Variants in DTNA observed in about 807,000 individuals in gnomAD.
The protein encoded by DTNA is dystrobrevin alpha, also known as dystrophin-related protein 3.
DTNA carries 43 observed loss-of-function variants against 100.7 expected under a neutral mutation model. The observed-to-expected ratio is 0.43, with a 90% confidence interval of 0.33 to 0.55. The LOEUF is 0.55. DTNA is among the 20% of genes least tolerant of loss of function. DTNA has a pLI of 0.04. For synonymous variants in DTNA, 349 were observed against 347.9 expected (o/e 1.00, Z -0.04); for missense variants, 798 against 953.9 (o/e 0.84, Z 2.15).
intron 1 of DTNA, among the ~76,000 whole-genome samples, chr18:34,678,580 C>A (rs1198421826): frequency 7.9e-5 from 12 of 152,130 alleles, no homozygotes; most frequent in Admixed American, 7.9e-4. Flanking sequence ...CTGCTTCAAG[C>A]CATCTGGCAC....
intron 4 of DTNA, among the ~76,000 whole-genome samples, chr18:34,801,003 C>CAAGT (rs1410369813): frequency 6.6e-6 from 1 of 152,134 alleles, no homozygotes; most frequent in East Asian, 1.9e-4. Context: ...TTTATTATGA[C>CAAGT]AAGTCAAATT....
chr18:34,563,760 C>T (rs2046843027), intron 1 of DTNA, among the ~76,000 whole-genome samples: 1 of 152,168 alleles, frequency 6.6e-6, no homozygotes, highest in African/African-American at 2.4e-5. Flanking sequence ...CTTAAATCCA[C>T]CAAAATTTAG....
chr18:34,590,934 G>A (rs16965585), intron 1 of DTNA, among the ~76,000 whole-genome samples: 15,664 of 152,136 alleles, frequency 0.1, 1,172 homozygotes, highest in African/African-American at 0.21. Context: ...CCGTTGTTGA[G>A]TGTTCTGAGA....
intron 1 of DTNA, among the ~76,000 whole-genome samples, chr18:34,605,728 G>A (rs2052947775): frequency 6.6e-6 from 1 of 151,796 alleles, no homozygotes; most frequent in Non-Finnish European, 1.5e-5. Flanking sequence ...ATGCTTAAGG[G>A]CAATGCAGAA....
At chr18:34,532,330 A>G (rs954244753) in intron 1 of DTNA, among the ~76,000 whole-genome samples, 1 of 152,106 alleles carries the variant, frequency 6.6e-6, no homozygotes, top group Non-Finnish European at 1.5e-5. Flanking sequence ...AGAGAAGTAA[A>G]TGAGCAAATA....
intron 1 of DTNA, among the ~76,000 whole-genome samples, chr18:34,618,949 T>C (rs1384590406): frequency 6.6e-6 from 1 of 151,946 alleles, no homozygotes; most frequent in African/African-American, 2.4e-5. Flanking sequence ...ACAGATACAA[T>C]AGAAGCCCCA....
At chr18:34,671,437 G>A (rs577878139) in intron 1 of DTNA, among the ~76,000 whole-genome samples, 4 of 152,138 alleles carry the variant, frequency 2.6e-5, no homozygotes, top group South Asian at 2.1e-4. Flanking sequence ...AGATGAACCC[G>A]GTACCTCATT....
rs780636786 is a variant in DTNA, at chr18:34,820,852, G to A, written c.938G>A (p.Arg313His). Residue 313 changes from arginine (R) to histidine (H), a missense_variant, in exon 9 of 23, where the codon CGT becomes CAT. Coordinates refer to ENST00000444659, the MANE Select transcript of DTNA (RefSeq NM_001386795.1). Reference protein sequence around the residue: ...LSKSLSCASSREPLHPMFPDQ... With the variant: ...LSKSLSCASSHEPLHPMFPDQ... ...AAGTCCCTGAGCTGTGCTTCCAGCC[G>A]TGAACCTTTGCACCCCATGTTCCCA... is the stretch of plus-strand genomic sequence containing the variant. 26 of 1,613,932 alleles carry A rather than the reference G, an allele frequency of 1.6e-5. No homozygotes were observed. The highest frequency in any genetic ancestry group is 8.0e-5 in the African/African-American group (6 of 74,846).
intron 6 of DTNA, 81 bp from the exon 7 acceptor site, chr18:34,815,828 T>TA: frequency 8.2e-7 from 1 of 1,222,424 alleles, no homozygotes; most frequent in Non-Finnish European, 1.2e-6. Context: ...TTTGTTTCAG[T>TA]CTCAAATGAT....
chr18:34,563,224 G>A (rs2046795423), intron 1 of DTNA, among the ~76,000 whole-genome samples: 1 of 152,188 alleles, frequency 6.6e-6, no homozygotes, highest in Non-Finnish European at 1.5e-5. Flanking sequence ...AGGTCATTTA[G>A]AGAGGCATAC....
chr18:34,572,730 C>A (rs749135634), intron 1 of DTNA, among the ~76,000 whole-genome samples: 5 of 152,084 alleles, frequency 3.3e-5, no homozygotes, highest in Non-Finnish European at 7.3e-5. Context: ...GGAGGTTCTC[C>A]CCCACTTCCA....
rs1227456746 is a variant in DTNA at position 34,515,010 on chromosome 18, T to C, written c.-2+21496T>C. Among the ~76,000 whole-genome samples the C allele has an allele frequency of 2.0e-5, 3 of 151,986 alleles. No homozygotes were observed. The East Asian group carries it at 5.8e-4, about 29-fold the overall frequency. On this transcript the variant is annotated intron_variant, in intron 1 of 19. Transcript: ENST00000283365. ...GGGTGTTGGGAGGGTAGACTGAGTT[T>C]TTGGGTTGATAAAGCTTTGGGGGTT...
chr18:34,690,317 G>C (rs576250136), intron 1 of DTNA, among the ~76,000 whole-genome samples: 34 of 152,192 alleles, frequency 2.2e-4, no homozygotes, highest in Non-Finnish European at 4.3e-4. Context: ...CATGGGAAAA[G>C]GGTAGTAACT....
At chr18:34,556,260 G>C (rs1351620245) in intron 1 of DTNA, among the ~76,000 whole-genome samples, 1 of 152,064 alleles carries the variant, frequency 6.6e-6, no homozygotes, top group East Asian at 1.9e-4. Context: ...GAGCGTATGT[G>C]TGTCTCTGCA....
chr18:34,595,352 G>A (rs184784514), intron 1 of DTNA, among the ~76,000 whole-genome samples: 48 of 152,114 alleles, frequency 3.2e-4, no homozygotes, highest in African/African-American at 1.1e-3. Flanking sequence ...AGGCTTACCA[G>A]TGTGGGATTT....
chr18:34,595,808 C>T (rs1051226733), intron 1 of DTNA, among the ~76,000 whole-genome samples: 1 of 152,170 alleles, frequency 6.6e-6, no homozygotes, highest in Non-Finnish European at 1.5e-5. Context: ...TTTGCTTCTG[C>T]CAGGCACCTG....
intron 9 of DTNA, chr18:34,821,565 T>A (rs1303848345): frequency 2.2e-6 from 1 of 454,798 alleles, no homozygotes; most frequent in Non-Finnish European, 4.4e-6. Flanking sequence ...CCTTTGAACC[T>A]CTCTCAGGCC....
At chr18:34,576,083 A>G (rs2579800) in intron 1 of DTNA, among the ~76,000 whole-genome samples, 14,024 of 152,190 alleles carry the variant, frequency 0.092, 634 homozygotes, top group South Asian at 0.11. Flanking sequence ...GTGAAACCCA[A>G]TGAGAGCTGT....
At chr18:34,647,565 T>G (rs1481693314) in intron 1 of DTNA, among the ~76,000 whole-genome samples, 1 of 152,130 alleles carries the variant, frequency 6.6e-6, no homozygotes, top group East Asian at 1.9e-4. Flanking sequence ...AGGAGAACAG[T>G]CAGTGGTCTT....
Sources: allele counts gnomAD v4.1 joint callset (sites outside exome capture counted in the v4.1 genomes callset), GRCh38; gene constraint gnomAD v4.1.1; transcripts MANE v1.5; gene names NCBI Gene and HGNC (gene_info 2026-07-23, HGNC 2026-07-21).